Variants in BIRC6 observed in about 807,000 individuals in gnomAD.
The protein encoded by BIRC6 is dual E2 ubiquitin-conjugating enzyme/E3 ubiquitin-protein ligase BIRC6.
A neutral mutation model predicts 503.3 loss-of-function variants in BIRC6; 98 were observed. The ratio of observed to expected loss-of-function variants is 0.19; its 90% CI spans 0.17 to 0.23. The LOEUF is 0.23. BIRC6 is among the 10% of genes least tolerant of loss of function. The pLI is 1.00. For missense variants in BIRC6, 5,360 were observed against 5,806.0 expected, an observed-to-expected ratio of 0.92 and a Z score of 2.50; for synonymous variants, 2,240 against 2,078.7, an observed-to-expected ratio of 1.08 and a Z score of -2.11.
intron 1 of BIRC6, among the ~76,000 whole-genome samples, chr2:32,375,632 G>C (rs577461881): frequency 6.6e-5 from 10 of 151,754 alleles, no homozygotes; most frequent in African/African-American, 1.7e-4. Context: ...GAGGTCTCCA[G>C]CTGTGGTTGC....
At chr2:32,478,843 A>G (rs1023606240) in intron 36 of BIRC6, 25 bp downstream of exon 36, 4 of 1,604,274 alleles carry the variant, frequency 2.5e-6, no homozygotes, top group Non-Finnish European at 3.4e-6. Flanking sequence ...TTCTTCATAG[A>G]GTATGTCAAA....
intron 10 of BIRC6, among the ~76,000 whole-genome samples, chr2:32,422,168 T>C (rs1213269298): frequency 6.6e-6 from 1 of 152,246 alleles, no homozygotes; most frequent in Non-Finnish European, 1.5e-5. Flanking sequence ...TCAACTAACT[T>C]GTGATTTTGA....
In BIRC6 at chr2:32,499,751, A is replaced by G. The variant is rs757031199; in HGVS notation, c.8673A>G (p.Ala2891=). 1.2e-6 allele frequency: 2 copies of G among 1,614,024 alleles called. No individual in the cohort carries two copies. Among genetic ancestry groups the G allele is most frequent in the South Asian group, 1.1e-5 (1 of 91,084 alleles). The change falls in exon 46 of 74, where the codon GCA becomes GCG. Residue 2891 remains alanine (A), a synonymous_variant. Transcript: ENST00000421745. ...SGSDSSVGAR[A]CFGGLFANLI... ...CAGATAGCTCCGTGGGTGCTCGAGC[A>G]TGCTTTGGGGGACTCTTTGCCAATC...
At chr2:32,585,403 A>T (rs1391972808) in intron 66 of BIRC6, among the ~76,000 whole-genome samples, 1 of 150,638 alleles carries the variant, frequency 6.6e-6, no homozygotes, top group Non-Finnish European at 1.5e-5. Context: ...TTTTTGAGAC[A>T]AAGTCTCACT....
intron 1 of BIRC6, among the ~76,000 whole-genome samples, chr2:32,365,615 G>A (rs896929335): frequency 6.6e-6 from 1 of 151,854 alleles, no homozygotes. Context: ...CACCGTGCCC[G>A]GTCCTACTTT....
rs2046362420 is a variant in BIRC6 at position 32,448,699 on chromosome 2, G to A, written c.4485-96G>A. On this transcript the variant is annotated intron_variant, in intron 21 of 73. Coordinates refer to ENST00000421745, the MANE Select transcript of BIRC6 (RefSeq NM_016252.4). ...GGAGAGGGGAGAGGGAGAGCCCTCTGCGCTGTTAGTCAGACTGCTTTTAAA... is the reference window on the plus strand; with the variant it reads ...GGAGAGGGGAGAGGGAGAGCCCTCTACGCTGTTAGTCAGACTGCTTTTAAA... 4 of 1,085,580 alleles carry A rather than the reference G, an allele frequency of 3.7e-6. No homozygotes were observed. The Admixed American group carries it at 8.7e-5, about 24-fold the overall frequency. The allele number at this position is 1,085,580 out of a possible 1,614,324, so 67.2% of individuals were successfully genotyped here. A position where few individuals can be genotyped will look rare whatever the true frequency, so the allele number is the denominator to read the frequency against.
intron 61 of BIRC6, among the ~76,000 whole-genome samples, chr2:32,532,844 A>G (rs2056897443): frequency 6.6e-6 from 1 of 152,190 alleles, no homozygotes; most frequent in African/African-American, 2.4e-5. Flanking sequence ...ATTTTTTCTA[A>G]TTTAGTATTC....
At chr2:32,500,542 C>G (rs766034741) in intron 46 of BIRC6, among the ~76,000 whole-genome samples, 12 of 151,816 alleles carry the variant, frequency 7.9e-5, no homozygotes, top group Non-Finnish European at 1.8e-4. Flanking sequence ...CTCAGCCTAC[C>G]GAGTAGCTGG....
In BIRC6 at chr2:32,471,606, A is replaced by G. The variant is rs903121402; in HGVS notation, c.6592+482A>G. On this transcript the variant is annotated intron_variant, in intron 32 of 73. Transcript: ENST00000421745. Reference sequence around the variant, plus strand: ...ATAGGTTCAAAGCACAGAAAAATTTAAAAATTAAAGGAAATCAACCTGCAA... The same window carrying G: ...ATAGGTTCAAAGCACAGAAAAATTTGAAAATTAAAGGAAATCAACCTGCAA... 3.3e-5 allele frequency among the ~76,000 whole-genome samples: 5 copies of G among 152,188 alleles called. No homozygotes were observed. In the East Asian group the frequency reaches 9.6e-4, roughly 29 times the overall value.
intron 61 of BIRC6, chr2:32,532,236 C>T (rs746705333): frequency 2.6e-5 from 14 of 529,610 alleles, no homozygotes; most frequent in Admixed American, 2.6e-4. Flanking sequence ...CAAAATACCA[C>T]AAACGGGCTG....
chr2:32,422,456 T>C (rs779466870), intron 10 of BIRC6, among the ~76,000 whole-genome samples: 4 of 152,140 alleles, frequency 2.6e-5, no homozygotes, highest in Non-Finnish European at 2.9e-5. Flanking sequence ...TAGTGAAGAA[T>C]AATTTGTTAG....
In BIRC6 at chr2:32,543,458, A is replaced by T. The variant is rs1175097849; in HGVS notation, c.12509A>T (p.Tyr4170Phe). Reference sequence around the variant, plus strand: ...GGATTATTTCTTCGTCTTCCGGGCTATGCGGAAGTGCTACTGAAAGAGAGA... The same window carrying T: ...GGATTATTTCTTCGTCTTCCGGGCTTTGCGGAAGTGCTACTGAAAGAGAGA... ...AFGLFLRLPG[Y>F]AEVLLKERKH... Residue 4170 changes from tyrosine to phenylalanine, a missense_variant, in exon 62 of 74, where the codon TAT becomes TTT. Transcript: ENST00000421745. 3.1e-6 allele frequency: 5 copies of T among 1,614,038 alleles called. No individual in the cohort carries two copies. In the East Asian group the frequency reaches 6.7e-5, roughly 22 times the overall value.
chr2:32,381,540 CTTT>C (rs71407447), intron 3 of BIRC6, among the ~76,000 whole-genome samples: 7 of 125,310 alleles, frequency 5.6e-5, no homozygotes, highest in Non-Finnish European at 8.5e-5. Context: ...GCACCTGGCT[CTTT>C]TTTTTTTTTT....
rs1218283809 is a variant in BIRC6 at position 32,503,176 on chromosome 2, A to G, written c.9439A>G (p.Thr3147Ala). Residue 3147 changes from threonine to alanine, a missense_variant, in exon 49 of 74, where the codon ACA (threonine) becomes GCA (alanine). Transcript: ENST00000421745. ...PNKAVDSTLK[T>A]RILASEPDNA... ...TAAAGCTGTTGACAGCACATTGAAA[A>G]CAAGAATACTAGCTTCTGAGCCTGA... 3 of 1,613,264 alleles carry G rather than the reference A, an allele frequency of 1.9e-6. No homozygotes were observed. The highest frequency in any genetic ancestry group is 2.2e-5 in the South Asian group (2 of 90,900).
At chr2:32,525,112 C>T in intron 58 of BIRC6, 93 bp downstream of exon 58, 1 of 1,115,924 alleles carries the variant, frequency 9.0e-7, no homozygotes, top group Non-Finnish European at 1.2e-6. Flanking sequence ...ATACATTGTA[C>T]TAATATAAAA....
chr2:32,385,095 T>TTCTA (rs2038242421), intron 3 of BIRC6, among the ~76,000 whole-genome samples: 1 of 152,332 alleles, frequency 6.6e-6, no homozygotes, highest in African/African-American at 2.4e-5. Flanking sequence ...CTGACTGAAG[T>TTCTA]TCTATCTATT....
chr2:32,361,087 A>AT (rs913538807), intron 1 of BIRC6, among the ~76,000 whole-genome samples: 2 of 151,706 alleles, frequency 1.3e-5, no homozygotes, highest in African/African-American at 4.8e-5. Flanking sequence ...GACCTGGCTA[A>AT]TTTTTTTTAT....
chr2:32,590,304 CA>C (rs1264755163), intron 66 of BIRC6, among the ~76,000 whole-genome samples: 1 of 152,168 alleles, frequency 6.6e-6, no homozygotes, highest in Non-Finnish European at 1.5e-5. Context: ...TCTTCTTCTG[CA>C]GTGCTAATTC....
intron 39 of BIRC6, among the ~76,000 whole-genome samples, 182 bp from the exon 40 acceptor site, chr2:32,485,461 T>C (rs1280729400): frequency 1.3e-5 from 2 of 152,192 alleles, no homozygotes; most frequent in African/African-American, 4.8e-5. Context: ...CGCCTGTCTC[T>C]ACCCTCCTTT....
Sources: gnomAD v4.1 joint callset for allele counts (sites outside exome capture counted in the v4.1 genomes callset) on GRCh38, gnomAD v4.1.1 for gene constraint, MANE v1.5 for transcripts, NCBI Gene and HGNC (gene_info 2026-07-23, HGNC 2026-07-21) for gene names.